HIVEP2: variants seen among roughly 807,000 people sequenced by gnomAD.
The protein encoded by HIVEP2 is transcription factor HIVEP2.
HIVEP2 carries 14 observed loss-of-function variants against 180.7 expected under a neutral mutation model. The ratio of observed to expected loss-of-function variants is 0.08; its 90% CI spans 0.05 to 0.12. HIVEP2 has a LOEUF of 0.12. HIVEP2 is among the 10% of genes least tolerant of loss of function. HIVEP2 has a pLI of 1.00. For synonymous variants in HIVEP2, 1,184 were observed against 1,136.4 expected, an observed-to-expected ratio of 1.04 and a Z score of -0.84; for missense variants, 2,579 against 3,008.5, an observed-to-expected ratio of 0.86 and a Z score of 3.34.
chr6:142,909,218 T>A (rs75486200), intron 1 of HIVEP2, among the ~76,000 whole-genome samples: 9,464 of 152,214 alleles, frequency 0.062, 384 homozygotes, highest in Middle Eastern at 0.11. Context: ...AAAGAACAAT[T>A]AACTATAAAA....
intron 2 of HIVEP2, among the ~76,000 whole-genome samples, chr6:142,791,091 G>C (rs1198364518): frequency 6.6e-6 from 1 of 152,188 alleles, no homozygotes; most frequent in African/African-American, 2.4e-5. Flanking sequence ...TTTTCCTAGA[G>C]AGTGGGGAAA....
chr6:142,911,499 ATATAT>A (rs1275141798), intron 1 of HIVEP2, among the ~76,000 whole-genome samples: 8 of 152,238 alleles, frequency 5.3e-5, no homozygotes, highest in African/African-American at 1.9e-4. Context: ...TTTTATAAAC[ATATAT>A]TATCTTTTGA....
At chr6:142,883,763 A>G (rs1188084559) in intron 1 of HIVEP2, among the ~76,000 whole-genome samples, 4 of 152,142 alleles carry the variant, frequency 2.6e-5, no homozygotes, top group Non-Finnish European at 1.5e-5. Flanking sequence ...ATATTTTAAT[A>G]ATTTCTTTCT....
At chr6:142,780,472 GACTA>G (rs1775829436) in intron 3 of HIVEP2, among the ~76,000 whole-genome samples, 1 of 152,180 alleles carries the variant, frequency 6.6e-6, no homozygotes, top group South Asian at 2.1e-4. Flanking sequence ...GGGAGCCTTT[GACTA>G]ACTGCTATCC....
chr6:142,774,616 A>G lies in HIVEP2; in HGVS notation c.123T>C (p.Ser41=), dbSNP rs1329461157. ...SAVIKMSTFG[S]HEGQRQPQIE... is the part of the protein sequence containing the mutation. ...TTTGTGGTTGCCGCTGTCCTTCATG[A>G]CTGCCAAAAGTGCTCATCTTAATAA... The change falls in exon 5 of 10, where the codon AGT becomes AGC. Residue 41 remains serine, a synonymous_variant. Coordinates refer to ENST00000367603, the MANE Select transcript of HIVEP2 (RefSeq NM_006734.4). The surrounding 1 kb of genome is among the most constrained non-coding windows in gnomAD (Gnocchi z 5.1). The G allele has an allele frequency of 1.9e-6, 3 of 1,614,064 alleles. No individual in the cohort carries two copies. In the Admixed American group the frequency reaches 5.0e-5, roughly 27 times the overall value.
intron 1 of HIVEP2, among the ~76,000 whole-genome samples, chr6:142,857,719 G>C (rs538409659): frequency 6.6e-6 from 1 of 152,334 alleles, no homozygotes; most frequent in East Asian, 1.9e-4. Flanking sequence ...AATTGTTGAA[G>C]ATTAGGTGCT....
chr6:142,814,994 C>T (rs961157697), intron 2 of HIVEP2, among the ~76,000 whole-genome samples: 26 of 152,072 alleles, frequency 1.7e-4, no homozygotes, highest in Non-Finnish European at 2.8e-4. Flanking sequence ...CAAGCCATGG[C>T]CTTCTTGCTG....
intron 2 of HIVEP2, chr6:142,793,830 C>T (rs1776218439): frequency 6.6e-6 from 1 of 151,814 alleles, no homozygotes; most frequent in South Asian, 2.1e-4. Flanking sequence ...CCATATCTGG[C>T]AAATTTTTGC....
At chr6:142,817,357 T>C (rs76357067) in intron 2 of HIVEP2, among the ~76,000 whole-genome samples, 4,437 of 152,340 alleles carry the variant, frequency 0.029, 218 homozygotes, top group African/African-American at 0.099. Flanking sequence ...TTTGGCTGTA[T>C]GCTGATCATT....
Position 142,772,822 on chromosome 6 carries a change from A to G in HIVEP2, c.1917T>C (p.Asp639=), listed in dbSNP as rs1359830166. The G allele has an allele frequency of 1.9e-6, 3 of 1,614,080 alleles. No individual in the cohort carries two copies. The highest frequency in any genetic ancestry group is 1.1e-5 in the South Asian group (1 of 91,092). ...SPGDRVGYDY[D]VCRKPYKKWE... Reference sequence around the variant, plus strand: ...ACTTCTTATAGGGTTTCCGACAGACATCATAGTCATACCCAACCCTGTCCC... The same window carrying G: ...ACTTCTTATAGGGTTTCCGACAGACGTCATAGTCATACCCAACCCTGTCCC... Residue 639 remains aspartate (D), a synonymous_variant, in exon 5 of 10, where the codon GAT becomes GAC. Coordinates refer to ENST00000367603, the MANE Select transcript of HIVEP2 (RefSeq NM_006734.4). This position sits in a 1 kb window ranked among gnomAD's most constrained non-coding sequence, Gnocchi z 4.9.
At chr6:142,848,519 A>G (rs1233473319) in intron 1 of HIVEP2, among the ~76,000 whole-genome samples, 2 of 152,166 alleles carry the variant, frequency 1.3e-5, no homozygotes, top group African/African-American at 4.8e-5. Context: ...CAGGAGTTCA[A>G]GACCAGCCTG....
chr6:142,907,566 A>C (rs2128428048), intron 1 of HIVEP2, among the ~76,000 whole-genome samples: 1 of 152,280 alleles, frequency 6.6e-6, no homozygotes, highest in Middle Eastern at 3.4e-3. Flanking sequence ...TTTCCTTTTC[A>C]CCTCTGTAAT....
At chr6:142,834,522 A>G (rs1220178730) in intron 2 of HIVEP2, among the ~76,000 whole-genome samples, 1 of 152,204 alleles carries the variant, frequency 6.6e-6, no homozygotes. Flanking sequence ...TAGTGACAGC[A>G]TATAAATCTG....
At chr6:142,818,789 GAA>G (rs755903707) in intron 2 of HIVEP2, among the ~76,000 whole-genome samples, 22 of 122,262 alleles carry the variant, frequency 1.8e-4, no homozygotes, top group Non-Finnish European at 2.4e-4. Context: ...AAGAAAGAAA[GAA>G]AAAGAAAAGA....
intron 5 of HIVEP2, 60 bp downstream of exon 5, chr6:142,769,492 G>T: frequency 7.1e-7 from 1 of 1,407,756 alleles, no homozygotes; most frequent in Non-Finnish European, 9.9e-7. Context: ...CCTTCACTAT[G>T]TAGTCTGCTC....
In HIVEP2 at chr6:142,772,775, T is replaced by C; in HGVS notation, c.1964A>G (p.Lys655Arg). Reference sequence around the variant, plus strand: ...GCAGGAAATGTCCCTGTAGTTTTGCTTTGGTGTTTCAGAGTCCTCCCACTT... The same window carrying C: ...GCAGGAAATGTCCCTGTAGTTTTGCCTTGGTGTTTCAGAGTCCTCCCACTT... ...YKKWEDSETP[K>R]QNYRDISCLS... Residue 655 changes from lysine to arginine, a missense_variant, in exon 5 of 10, where the codon AAG becomes AGG. Physicochemically the swap from Lys to Arg is conservative, Grantham distance 26. Around this residue, in one of 11 missense-constraint regions of HIVEP2, gnomAD observed 524 missense variants for 563.6 expected, o/e 0.93. Coordinates refer to ENST00000367603, the MANE Select transcript of HIVEP2 (RefSeq NM_006734.4). This position sits in a 1 kb window ranked among gnomAD's most constrained non-coding sequence, Gnocchi z 4.9. 1 of 1,614,212 alleles carries C rather than the reference T, an allele frequency of 6.2e-7. No individual in the cohort carries two copies. The highest frequency in any genetic ancestry group is 8.5e-7 in the Non-Finnish European group (1 of 1,180,028).
At chr6:142,891,479 T>A (rs1200439298) in intron 1 of HIVEP2, among the ~76,000 whole-genome samples, 1 of 152,040 alleles carries the variant, frequency 6.6e-6, no homozygotes, top group Non-Finnish European at 1.5e-5. Flanking sequence ...ACTTAGCAGA[T>A]CCTTACAGAT....
intron 2 of HIVEP2, among the ~76,000 whole-genome samples, chr6:142,830,523 A>G (rs984632170): frequency 6.6e-6 from 1 of 152,316 alleles, no homozygotes; most frequent in South Asian, 2.1e-4. Flanking sequence ...GAAGGTTAAG[A>G]AAACCTAAAA....
intron 9 of HIVEP2, among the ~76,000 whole-genome samples, chr6:142,754,248 A>G (rs1775005122): frequency 6.6e-6 from 1 of 151,798 alleles, no homozygotes; most frequent in Admixed American, 6.6e-5. Flanking sequence ...GAGATAATGA[A>G]AAGAAATTAA....
Sources: gnomAD v4.1 joint callset for allele counts (sites outside exome capture counted in the v4.1 genomes callset) on GRCh38, gnomAD v4.1.1 for gene constraint, gnomAD v4.1.1 regional missense constraint, Gnocchi (gnomAD v3.1) non-coding constraint, MANE v1.5 for transcripts, NCBI Gene and HGNC (gene_info 2026-07-23, HGNC 2026-07-21) for gene names.